Variants in MMP26 observed in about 807,000 individuals in gnomAD.
The protein encoded by MMP26 is matrix metalloproteinase-26.
A neutral mutation model predicts 31.0 loss-of-function variants in MMP26; 33 were observed. That is an observed-to-expected ratio of 1.06 (90% CI 0.81 to 1.42). MMP26 has a LOEUF of 1.42. Ranked by LOEUF, MMP26 falls within the 40% of genes most tolerant of loss-of-function variation. The pLI, the probability that MMP26 is intolerant of heterozygous loss-of-function variation, is 0.00. For missense variants in MMP26, 347 were observed against 316.1 expected (o/e 1.10, Z -0.74); for synonymous variants, 122 against 114.9 (o/e 1.06, Z -0.40).
At chr11:4,746,098 G>A (rs1848376431) in intron 1 of MMP26, among the ~76,000 whole-genome samples, 2 of 152,174 alleles carry the variant, frequency 1.3e-5, no homozygotes, top group Non-Finnish European at 2.9e-5. Flanking sequence ...GACAAGTGAT[G>A]CCATTATCAA....
chr11:4,742,904 A>G (rs773194314), intron 1 of MMP26, among the ~76,000 whole-genome samples: 8 of 152,130 alleles, frequency 5.3e-5, no homozygotes, highest in Non-Finnish European at 1.0e-4. Context: ...TTATAAGATT[A>G]CAGGGTATTA....
intron 2 of MMP26, chr11:4,848,703 A>C (rs1405841867): frequency 1.2e-6 from 2 of 1,614,074 alleles, no homozygotes; most frequent in Non-Finnish European, 1.7e-6. Flanking sequence ...GGCCAGCAGG[A>C]ATGGCAGGGG....
chr11:4,744,961 C>T (rs934479698), intron 1 of MMP26, among the ~76,000 whole-genome samples: 2 of 151,976 alleles, frequency 1.3e-5, no homozygotes, highest in Admixed American at 1.3e-4. Context: ...GTATGCAATA[C>T]AATATAATTA....
rs761584016 is a variant in MMP26 at position 4,992,294 on chromosome 11, G to A, written c.*52G>A. The A allele has an allele frequency of 4.5e-6, 7 of 1,562,274 alleles. No individual in the cohort carries two copies. Among genetic ancestry groups the A allele is most frequent in the Non-Finnish European group, 5.2e-6 (6 of 1,145,042 alleles). ...TGTCCTTTCAGGGAGTTTATTGGAG[G>A]ATCAAAGAACTGAAAGCACTAGAGC... is the stretch of plus-strand genomic sequence containing the variant. On this transcript the variant is annotated 3_prime_UTR_variant, in exon 8 of 8. Coordinates refer to ENST00000380390, the MANE Select transcript of MMP26 (RefSeq NM_021801.5).
chr11:4,730,404 A>AGAGAGAGAGAG (rs1848157903), intron 1 of MMP26, among the ~76,000 whole-genome samples: 9 of 145,048 alleles, frequency 6.2e-5, no homozygotes, highest in African/African-American at 2.4e-4. Context: ...GTTTCTGGGA[A>AGAGAGAGAGAG]AGAGAGAGAG....
At chr11:4,935,289 C>T (rs1333722890) in intron 2 of MMP26, among the ~76,000 whole-genome samples, 5 of 151,428 alleles carry the variant, frequency 3.3e-5, no homozygotes, top group Non-Finnish European at 5.9e-5. Context: ...AGAGGTCCTT[C>T]ACATCCCTTG....
At chr11:4,961,661 G>A (rs147130261) in intron 2 of MMP26, among the ~76,000 whole-genome samples, 314 of 152,288 alleles carry the variant, frequency 2.1e-3, no homozygotes, top group Non-Finnish European at 3.6e-3. Context: ...ATGTACTAAT[G>A]TACTAATCTA....
intron 2 of MMP26, chr11:4,955,690 A>T (rs1323226302): frequency 1.4e-5 from 22 of 1,538,364 alleles, no homozygotes; most frequent in Non-Finnish European, 2.0e-5. Flanking sequence ...TGATTTCAAC[A>T]TATGATGTGT....
chr11:4,948,691 T>C (rs559696811), intron 2 of MMP26, among the ~76,000 whole-genome samples: 1 of 124,008 alleles, frequency 8.1e-6, no homozygotes, highest in South Asian at 2.4e-4. Flanking sequence ...AAAAACTATA[T>C]ACTCACCTCT....
intron 1 of MMP26, among the ~76,000 whole-genome samples, chr11:4,716,990 G>C (rs1217692533): frequency 2.6e-5 from 4 of 151,850 alleles, no homozygotes; most frequent in Non-Finnish European, 4.4e-5. Flanking sequence ...ACTACCTTTT[G>C]GTACGTTTTA....
At chr11:4,789,200 G>A (rs915510038) in intron 2 of MMP26, among the ~76,000 whole-genome samples, 2 of 152,124 alleles carry the variant, frequency 1.3e-5, no homozygotes, top group African/African-American at 4.8e-5. Context: ...AGATTGTTGT[G>A]TTTCTATGTG....
chr11:4,772,677 T>C (rs1313650419), intron 2 of MMP26, among the ~76,000 whole-genome samples: 1 of 152,220 alleles, frequency 6.6e-6, no homozygotes, highest in Non-Finnish European at 1.5e-5. Context: ...GAGAGAGTTT[T>C]TTCATTTTTG....
intron 2 of MMP26, among the ~76,000 whole-genome samples, chr11:4,984,585 T>C (rs1296221765): frequency 6.6e-6 from 1 of 152,200 alleles, no homozygotes; most frequent in Non-Finnish European, 1.5e-5. Context: ...CCAAAGTCTG[T>C]GCTACAGATA....
chr11:4,908,140 G>C, intron 2 of MMP26: 1 of 1,614,106 alleles, frequency 6.2e-7, no homozygotes. Flanking sequence ...TCATCACCCT[G>C]GCTGCCATGC....
chr11:4,726,405 T>C (rs1024168791), intron 1 of MMP26, among the ~76,000 whole-genome samples: 4 of 151,468 alleles, frequency 2.6e-5, no homozygotes, highest in African/African-American at 9.7e-5. Context: ...GAGGTTGAAA[T>C]GAGCCGAGAT....
chr11:4,864,052 C>G (rs1468627778), intron 2 of MMP26, among the ~76,000 whole-genome samples: 4 of 152,232 alleles, frequency 2.6e-5, no homozygotes, highest in Middle Eastern at 3.4e-3. Flanking sequence ...ACTCCAAAGC[C>G]AGTCTCAGTC....
At chr11:4,802,496 A>G (rs1157518108) in intron 2 of MMP26, among the ~76,000 whole-genome samples, 5 of 152,202 alleles carry the variant, frequency 3.3e-5, no homozygotes, top group Non-Finnish European at 7.3e-5. Context: ...ACTGAGAGGT[A>G]TGGTATTGTA....
At chr11:4,793,239 G>A (rs1172789697) in intron 2 of MMP26, among the ~76,000 whole-genome samples, 4 of 152,106 alleles carry the variant, frequency 2.6e-5, no homozygotes, top group South Asian at 2.1e-4. Flanking sequence ...TAATTTCATC[G>A]GATATTACCC....
At chr11:4,808,489 G>T (rs1441563620) in intron 2 of MMP26, among the ~76,000 whole-genome samples, 1 of 152,090 alleles carries the variant, frequency 6.6e-6, no homozygotes, top group East Asian at 1.9e-4. Context: ...TGATTTCTCG[G>T]GGAGGACATC....
Sources: gnomAD v4.1 joint callset for allele counts (sites outside exome capture counted in the v4.1 genomes callset) on GRCh38, gnomAD v4.1.1 for gene constraint, MANE v1.5 for transcripts, NCBI Gene and HGNC (gene_info 2026-07-23, HGNC 2026-07-21) for gene names.